Variants in CD2AP observed in about 807,000 individuals in gnomAD.
CD2AP encodes the protein CD2 associated protein.
In CD2AP, 46 loss-of-function variants were observed where a neutral mutation model predicts 85.1. The ratio of observed to expected loss-of-function variants is 0.54; its 90% CI spans 0.43 to 0.69. The LOEUF (loss-of-function observed/expected upper bound fraction) is 0.69. CD2AP is among the 30% of genes least tolerant of loss of function. CD2AP has a pLI of 0.00. For synonymous variants in CD2AP, 255 were observed against 252.9 expected (o/e 1.01, Z -0.08); for missense variants, 769 against 729.5 (o/e 1.05, Z -0.62).
intron 11 of CD2AP, among the ~76,000 whole-genome samples, chr6:47,588,093 G>T (rs935085267): frequency 6.6e-6 from 1 of 152,042 alleles, no homozygotes; most frequent in African/African-American, 2.4e-5. Context: ...CTTTTTTAGG[G>T]GACATCCTTC....
intron 17 of CD2AP, among the ~76,000 whole-genome samples, chr6:47,620,681 C>T (rs1769718195): frequency 2.0e-5 from 3 of 152,234 alleles, no homozygotes; most frequent in South Asian, 2.1e-4. Flanking sequence ...CATCCACGAG[C>T]GTGGGATGTG....
At chr6:47,544,188 C>T (rs959017429) in intron 3 of CD2AP, among the ~76,000 whole-genome samples, 1 of 152,166 alleles carries the variant, frequency 6.6e-6, no homozygotes, top group African/African-American at 2.4e-5. Flanking sequence ...CTTACTGCTT[C>T]TTTCTATAGT....
chr6:47,556,389 C>T (rs1219817180), intron 5 of CD2AP, among the ~76,000 whole-genome samples: 5 of 149,066 alleles, frequency 3.4e-5, no homozygotes, highest in Non-Finnish European at 7.4e-5. Flanking sequence ...TGAACTCATT[C>T]TTTTTTTTTT....
intron 3 of CD2AP, among the ~76,000 whole-genome samples, chr6:47,534,633 A>G (rs969703729): frequency 1.3e-5 from 2 of 152,146 alleles, no homozygotes; most frequent in Non-Finnish European, 2.9e-5. Context: ...TGAACTCGGG[A>G]GGTGAGCCGA....
intron 12 of CD2AP, 54 bp downstream of exon 12, chr6:47,596,080 A>T (rs1264862398): frequency 3.1e-6 from 4 of 1,279,686 alleles, no homozygotes; most frequent in East Asian, 4.6e-5. Flanking sequence ...CTTTGACCTT[A>T]ATGGCTCTAT....
At chr6:47,499,295 G>T (rs1765944255) in intron 1 of CD2AP, among the ~76,000 whole-genome samples, 1 of 125,384 alleles carries the variant, frequency 8.0e-6, no homozygotes, top group Non-Finnish European at 1.7e-5. Context: ...GACAGAGCTA[G>T]GGTGTATGTG....
intron 2 of CD2AP, among the ~76,000 whole-genome samples, chr6:47,516,284 G>C (rs1163471055): frequency 6.6e-6 from 1 of 152,194 alleles, no homozygotes; most frequent in East Asian, 1.9e-4. Context: ...CTTGTGGCAA[G>C]TCATTGTCAA....
intron 1 of CD2AP, 72 bp downstream of exon 1, chr6:47,478,320 C>A: frequency 6.5e-7 from 1 of 1,538,636 alleles, no homozygotes; most frequent in Non-Finnish European, 8.8e-7. Flanking sequence ...CCTTTCTCGG[C>A]CTTCTGGGGA....
intron 1 of CD2AP, among the ~76,000 whole-genome samples, chr6:47,501,854 AAAAT>A (rs758482089): frequency 6.6e-6 from 1 of 152,246 alleles, no homozygotes; most frequent in Non-Finnish European, 1.5e-5. Flanking sequence ...TAAAAGAGGT[AAAAT>A]AAATACATAT....
In CD2AP at chr6:47,504,895, A is replaced by C. The variant is rs940928201; in HGVS notation, c.165+1455A>C. The stretch of plus-strand genomic sequence containing the variant: ...TTTTAAAATATTGGTAAAAATTGCT[A>C]ACGATCATCTGAGCCTTCAGTGAGT... On this transcript the variant is annotated intron_variant, in intron 2 of 17. Transcript: ENST00000359314. 3.9e-5 allele frequency among the ~76,000 whole-genome samples: 6 copies of C among 152,284 alleles called. No individual in the cohort carries two copies. The East Asian group carries it at 1.2e-3, about 29-fold the overall frequency.
intron 1 of CD2AP, among the ~76,000 whole-genome samples, chr6:47,502,316 T>G (rs1766015645): frequency 6.6e-6 from 1 of 151,962 alleles, no homozygotes; most frequent in Admixed American, 6.5e-5. Flanking sequence ...ATTATCTTTT[T>G]TTTTTTTATT....
intron 11 of CD2AP, 39 bp downstream of exon 11, chr6:47,582,104 C>T (rs569067540): frequency 1.7e-6 from 2 of 1,185,454 alleles, no homozygotes; most frequent in South Asian, 2.4e-5. Context: ...GCAATTATTT[C>T]TTTTATTGTC....
chr6:47,610,950 TA>T (rs1344248684), intron 16 of CD2AP, among the ~76,000 whole-genome samples: 5 of 41,302 alleles, frequency 1.2e-4, no homozygotes, highest in African/African-American at 4.8e-4. Context: ...ATTTCTGATT[TA>T]TATATATATA....
chr6:47,582,031 G>A lies in CD2AP; in HGVS notation c.1074G>A (p.Glu358=), dbSNP rs550863556. The part of the protein sequence containing the change: ...PAPKPELIAA[E]KKYFSLKPEE... ...CAAAGCCTGAACTGATAGCTGCAGA[G>A]AAGAAATATTTTTCTTTAAAGCCTG... The change falls in exon 11 of 18, where the codon GAG becomes GAA. Residue 358 remains glutamate (E), a synonymous_variant. Coordinates refer to ENST00000359314, the MANE Select transcript of CD2AP (RefSeq NM_012120.3). 1 of 1,608,984 alleles carries A rather than the reference G, an allele frequency of 6.2e-7. No individual in the cohort carries two copies. The highest frequency in any genetic ancestry group is 1.7e-5 in the Admixed American group (1 of 60,002).
intron 2 of CD2AP, among the ~76,000 whole-genome samples, chr6:47,516,024 A>G (rs533721609): frequency 2.6e-5 from 4 of 152,330 alleles, no homozygotes; most frequent in East Asian, 3.9e-4. Flanking sequence ...TGTAAAATGC[A>G]TTTAATCATT....
In CD2AP at chr6:47,580,784, GATTATTACTA is replaced by G. The variant is rs550108749; in HGVS notation, c.1009-75_1009-66del. On this transcript the variant is annotated intron_variant, in intron 9 of 17. Coordinates refer to ENST00000359314, the MANE Select transcript of CD2AP (RefSeq NM_012120.3). ...AGAGGAGAGACATTTGTATAATTTAGATTATTACTAATTAGAGTTTATTTTAACTATATTT... is the reference window on the plus strand; with the variant it reads ...AGAGGAGAGACATTTGTATAATTTAGATTAGAGTTTATTTTAACTATATTT... The G allele has an allele frequency of 1.4e-3, 1,321 of 938,774 alleles. 2 individuals are homozygous for G. Among genetic ancestry groups the G allele is most frequent in the Middle Eastern group, 5.9e-3 (26 of 4,372 alleles). 58.2% of individuals were successfully genotyped at this position (938,774 alleles called of 1,614,324 possible).
intron 2 of CD2AP, among the ~76,000 whole-genome samples, chr6:47,513,999 G>A (rs1218839303): frequency 6.6e-6 from 1 of 151,720 alleles, no homozygotes; most frequent in Non-Finnish European, 1.5e-5. Flanking sequence ...AGTTCCTTGT[G>A]TACAGCTTGT....
intron 1 of CD2AP, among the ~76,000 whole-genome samples, chr6:47,485,129 A>G (rs1029064114): frequency 6.6e-6 from 1 of 152,190 alleles, no homozygotes; most frequent in African/African-American, 2.4e-5. Context: ...TTACTGGCTT[A>G]TGTATTTACT....
chr6:47,574,245 A>G lies in CD2AP; in HGVS notation c.723A>G (p.Pro241=), dbSNP rs1768240830. The change falls in exon 6 of 18, where the codon CCA becomes CCG. Residue 241 remains proline (P), a synonymous_variant. Coordinates refer to ENST00000359314, the MANE Select transcript of CD2AP (RefSeq NM_012120.3). ...TSSSETEEKK[P]EKPLILQSLG... The stretch of plus-strand genomic sequence containing the variant: ...GTAGTGAAACAGAAGAGAAAAAACC[A>G]GAAAAGGTGGTAATGATGGACTTGT... 5.0e-6 allele frequency: 8 copies of G among 1,613,598 alleles called. No individual in the cohort carries two copies. In the Admixed American group the frequency reaches 1.3e-4, roughly 27 times the overall value.
Sources: allele counts gnomAD v4.1 joint callset (sites outside exome capture counted in the v4.1 genomes callset), GRCh38; gene constraint gnomAD v4.1.1; transcripts MANE v1.5; gene names NCBI Gene and HGNC (gene_info 2026-07-23, HGNC 2026-07-21).